The following TUSC3 variants were observed in gnomAD, a reference collection of about 807,000 sequenced individuals.
TUSC3 encodes dolichyl-diphosphooligosaccharide--protein glycosyltransferase subunit TUSC3.
A neutral mutation model predicts 44.8 loss-of-function variants in TUSC3; 45 were observed. The ratio of observed to expected loss-of-function variants is 1.00; its 90% CI spans 0.79 to 1.29. TUSC3 has a LOEUF of 1.29. Ranked by LOEUF, TUSC3 falls within the 50% of genes most tolerant of loss-of-function variation. The pLI is 0.00. For missense variants in TUSC3, 519 were observed against 437.9 expected, an observed-to-expected ratio of 1.19 and a Z score of -1.65; for synonymous variants, 212 against 152.9, an observed-to-expected ratio of 1.39 and a Z score of -2.85.
intron 1 of TUSC3, among the ~76,000 whole-genome samples, chr8:15,568,490 T>A (rs142596201): frequency 6.6e-6 from 1 of 152,296 alleles, no homozygotes; most frequent in East Asian, 1.9e-4. Flanking sequence ...TAAACTAGAT[T>A]GAATTAGGCT....
At chr8:15,684,879 TG>T (rs1808566335) in intron 6 of TUSC3, among the ~76,000 whole-genome samples, 1 of 152,060 alleles carries the variant, frequency 6.6e-6, no homozygotes, top group South Asian at 2.1e-4. Context: ...AACACTCAGA[TG>T]GGGCAATGGA....
At chr8:15,678,640 T>C (rs1431063194) in intron 6 of TUSC3, among the ~76,000 whole-genome samples, 2 of 152,218 alleles carry the variant, frequency 1.3e-5, no homozygotes, top group Admixed American at 1.3e-4. Flanking sequence ...TTTCACATTT[T>C]AACAAGTCTT....
intron 10 of TUSC3, among the ~76,000 whole-genome samples, chr8:15,762,820 C>G (rs1239282415): frequency 2.6e-5 from 4 of 152,082 alleles, no homozygotes; most frequent in Non-Finnish European, 2.9e-5. Context: ...GCACATCTAT[C>G]TGCTTTACCA....
At chr8:15,433,112 C>G (rs1438815081) in intron 1 of TUSC3, among the ~76,000 whole-genome samples, 1 of 152,166 alleles carries the variant, frequency 6.6e-6, no homozygotes, top group Non-Finnish European at 1.5e-5. Flanking sequence ...CCTGCATTTG[C>G]TAGTCCTTTT....
In TUSC3 at chr8:15,545,222, C is replaced by G. The variant is rs1312180180; in HGVS notation, c.138+4654C>G. Among the ~76,000 whole-genome samples the G allele has an allele frequency of 1.3e-5, 2 of 151,524 alleles. 1 individual carries two copies. Among genetic ancestry groups the G allele is most frequent in the East Asian group, 3.9e-4 (2 of 5,116 alleles). On this transcript the variant is annotated intron_variant, in intron 1 of 10. Coordinates refer to ENST00000503731, the MANE Select transcript of TUSC3 (RefSeq NM_006765.4). ...TTAAATATTTCTTCCTTGAAAGCAA[C>G]TAATGTCCACAGCAATAGATAGTTT... is the stretch of plus-strand genomic sequence containing the variant.
At chr8:15,814,500 T>C in the TUSC3 span, among the ~76,000 whole-genome samples, 1 of 152,210 alleles carries the variant, frequency 6.6e-6, no homozygotes, top group Non-Finnish European at 1.5e-5. Flanking sequence ...ATACATTTGA[T>C]TCAACAATTA....
intron 1 of TUSC3, among the ~76,000 whole-genome samples, chr8:15,555,370 C>G (rs1427107645): frequency 7.7e-6 from 1 of 129,678 alleles, no homozygotes; most frequent in Admixed American, 8.9e-5. Flanking sequence ...GATCACAGTT[C>G]ACTGTGGCCT....
chr8:15,585,699 G>C (rs188115364), intron 1 of TUSC3, among the ~76,000 whole-genome samples: 1 of 152,154 alleles, frequency 6.6e-6, no homozygotes, highest in Non-Finnish European at 1.5e-5. Context: ...TTCCATTGTG[G>C]GACTATCTGG....
intron 1 of TUSC3, among the ~76,000 whole-genome samples, chr8:15,432,328 T>G (rs1366725987): frequency 1.3e-5 from 2 of 152,310 alleles, no homozygotes; most frequent in Admixed American, 1.3e-4. Context: ...CATGTCTTCA[T>G]GTTTTTTATC....
chr8:15,464,101 C>G (rs534314604), intron 1 of TUSC3, among the ~76,000 whole-genome samples: 1 of 152,168 alleles, frequency 6.6e-6, no homozygotes, highest in Non-Finnish European at 1.5e-5. Context: ...GTCTAGTCAA[C>G]TGGAGCATGG....
At chr8:15,488,184 C>G (rs144894608) in intron 2 of TUSC3, among the ~76,000 whole-genome samples, 1 of 151,986 alleles carries the variant, frequency 6.6e-6, no homozygotes, top group Non-Finnish European at 1.5e-5. Flanking sequence ...CTTCACTATC[C>G]ACTTTGAATA....
At chr8:15,606,206 A>G (rs1404786258) in intron 1 of TUSC3, among the ~76,000 whole-genome samples, 2 of 152,054 alleles carry the variant, frequency 1.3e-5, no homozygotes, top group Non-Finnish European at 2.9e-5. Context: ...CCCATTTTAA[A>G]CAGATGATTC....
At chr8:15,717,684 G>A (rs931132800) in intron 6 of TUSC3, among the ~76,000 whole-genome samples, 4 of 151,916 alleles carry the variant, frequency 2.6e-5, no homozygotes, top group Non-Finnish European at 4.4e-5. Flanking sequence ...TATTTCTCTA[G>A]CACTCATTTG....
At chr8:15,613,587 T>C (rs1430381352) in intron 1 of TUSC3, among the ~76,000 whole-genome samples, 2 of 152,188 alleles carry the variant, frequency 1.3e-5, no homozygotes, top group Non-Finnish European at 2.9e-5. Flanking sequence ...CTTCGTCTTC[T>C]GCCATGATTG....
chr8:15,808,431 A>G, the TUSC3 span, among the ~76,000 whole-genome samples: 4 of 152,192 alleles, frequency 2.6e-5, no homozygotes, highest in Admixed American at 2.6e-4. Flanking sequence ...ACTATCAGTG[A>G]GAGTTTTTGA....
At chr8:15,686,376 T>G (rs575823874) in intron 6 of TUSC3, among the ~76,000 whole-genome samples, 54 of 152,292 alleles carry the variant, frequency 3.5e-4, no homozygotes, top group African/African-American at 1.3e-3. Flanking sequence ...CCAAAAATTT[T>G]CACTGCATTA....
chr8:15,623,341 A>G, intron 2 of TUSC3, 92 bp downstream of exon 2: 1 of 1,292,350 alleles, frequency 7.7e-7, no homozygotes, highest in South Asian at 1.8e-5. Flanking sequence ...TATGTAAGAT[A>G]AACAGTTGTT....
intron 1 of TUSC3, among the ~76,000 whole-genome samples, chr8:15,617,338 C>G (rs1805039193): frequency 6.6e-6 from 1 of 151,730 alleles, no homozygotes; most frequent in African/African-American, 2.4e-5. Context: ...CAGGGTTTCA[C>G]CATATTGGCC....
the TUSC3 span, among the ~76,000 whole-genome samples, chr8:15,848,132 C>A: frequency 6.6e-6 from 1 of 152,108 alleles, no homozygotes; most frequent in African/African-American, 2.4e-5. Flanking sequence ...TCCTTCCCCC[C>A]GAGTGAAGTA....
Sources: gnomAD v4.1 joint callset for allele counts (sites outside exome capture counted in the v4.1 genomes callset) on GRCh38, gnomAD v4.1.1 for gene constraint, MANE v1.5 for transcripts, NCBI Gene and HGNC (gene_info 2026-07-23, HGNC 2026-07-21) for gene names.